Variants in WDFY1 observed in about 807,000 individuals in gnomAD.
The protein encoded by WDFY1 is WD repeat and FYVE domain-containing protein 1.
In WDFY1, 32 loss-of-function variants were observed where a neutral mutation model predicts 56.4. The ratio of observed to expected loss-of-function variants is 0.57; its 90% confidence interval spans 0.43 to 0.76. The LOEUF is 0.76. Among genes scored for constraint, WDFY1 ranks in the 30% least tolerant of loss-of-function variants. WDFY1 has a pLI of 0.00. For synonymous variants in WDFY1, 192 were observed against 197.3 expected (o/e 0.97, Z 0.23); for missense variants, 480 against 545.7 (o/e 0.88, Z 1.20).
chr2:223,907,114 A>G (rs1481632426), intron 3 of WDFY1, among the ~76,000 whole-genome samples: 2 of 151,952 alleles, frequency 1.3e-5, no homozygotes, highest in African/African-American at 4.8e-5. Flanking sequence ...AACTGGGACT[A>G]AAGGTGCATG....
rs115559890 is a variant in WDFY1 at position 223,937,066 on chromosome 2, C to T, written c.137+8082G>A. Among the ~76,000 whole-genome samples the T allele has an allele frequency of 1.4e-3, 215 of 152,240 alleles. 2 individuals carry two copies. The highest frequency in any genetic ancestry group is 6.8e-3 in the Middle Eastern group (2 of 294). The stretch of plus-strand genomic sequence containing the variant: ...AATCTTTCTAGTGAATCAATGAACC[C>T]GATCTTGAGGATCTCAAATATAGCA... On this transcript the variant is annotated intron_variant, in intron 1 of 11. Coordinates refer to ENST00000233055, the MANE Select transcript of WDFY1 (RefSeq NM_020830.5).
At chr2:223,896,343 T>A (rs977227986) in intron 6 of WDFY1, among the ~76,000 whole-genome samples, 14 of 151,822 alleles carry the variant, frequency 9.2e-5, no homozygotes, top group Middle Eastern at 3.4e-3. Context: ...CTACACAAGA[T>A]AAAAAATCTA....
chr2:223,929,834 G>T (rs1297883247), intron 1 of WDFY1, among the ~76,000 whole-genome samples: 1 of 119,298 alleles, frequency 8.4e-6, no homozygotes, highest in Non-Finnish European at 1.8e-5. Flanking sequence ...ACTTCATTTA[G>T]TTGTTTGACC....
intron 1 of WDFY1, among the ~76,000 whole-genome samples, chr2:223,934,081 C>CTTTTT (rs201021204): frequency 4.7e-4 from 64 of 136,156 alleles, no homozygotes; most frequent in East Asian, 3.0e-3. Flanking sequence ...TTTTTCTTTT[C>CTTTTT]TTTTTTTTTT....
chr2:223,908,868 TC>T (rs1693644373), intron 3 of WDFY1, among the ~76,000 whole-genome samples: 1 of 152,122 alleles, frequency 6.6e-6, no homozygotes, highest in African/African-American at 2.4e-5. Flanking sequence ...TTAAAGCTGC[TC>T]CCTATTTCAA....
chr2:223,883,778 T>C (rs931482001), intron 9 of WDFY1, among the ~76,000 whole-genome samples: 7 of 152,182 alleles, frequency 4.6e-5, no homozygotes, highest in African/African-American at 1.7e-4. Flanking sequence ...CCCGAGTAGC[T>C]GGGATTACAG....
rs572616459 is a variant in WDFY1, at chr2:223,917,057, G to A, written c.205+886C>T. Among the ~76,000 whole-genome samples the A allele has an allele frequency of 2.6e-5, 4 of 151,972 alleles. No homozygotes were observed. The South Asian group carries it at 6.2e-4, about 24-fold the overall frequency. ...TCGAACTCCCAACCTCAGGTGATCC[G>A]CCCGCCTTGGCCTCCCAAAGTGCTG... On this transcript the variant is annotated intron_variant, in intron 2 of 11. Transcript: ENST00000233055.
intron 1 of WDFY1, among the ~76,000 whole-genome samples, chr2:223,936,255 T>C (rs938964021): frequency 6.6e-6 from 1 of 151,942 alleles, no homozygotes; most frequent in Non-Finnish European, 1.5e-5. Flanking sequence ...AGAGACAGAG[T>C]TTGACTATGT....
intron 1 of WDFY1, among the ~76,000 whole-genome samples, chr2:223,937,950 T>C (rs1304633186): frequency 2.0e-5 from 3 of 152,228 alleles, no homozygotes; most frequent in Non-Finnish European, 2.9e-5. Flanking sequence ...ATGTGAACAA[T>C]TGGTAAATAC....
At chr2:223,907,287 T>G (rs1001730165) in intron 3 of WDFY1, among the ~76,000 whole-genome samples, 3 of 152,142 alleles carry the variant, frequency 2.0e-5, no homozygotes, top group Admixed American at 6.5e-5. Context: ...AAGAATACTA[T>G]TATTGATCAA....
intron 10 of WDFY1, among the ~76,000 whole-genome samples, chr2:223,881,013 A>G (rs1693061168): frequency 6.6e-6 from 1 of 152,176 alleles, no homozygotes; most frequent in Non-Finnish European, 1.5e-5. Flanking sequence ...TAGCTTTCCA[A>G]TGTGGACCTC....
chr2:223,901,943 TTCTG>T (rs1379423582), intron 4 of WDFY1, among the ~76,000 whole-genome samples: 2 of 152,252 alleles, frequency 1.3e-5, no homozygotes, highest in Admixed American at 6.5e-5. Flanking sequence ...GAGGAAGGTA[TTCTG>T]TCTGTTACCT....
At position 223,918,837 on chromosome 2, in the gene WDFY1, C is replaced by T. The variant is rs568770529; in HGVS notation, c.138-827G>A. On this transcript the variant is annotated intron_variant, in intron 1 of 11. Transcript: ENST00000233055. The stretch of plus-strand genomic sequence containing the variant: ...CGCCACGCACACCAGGAGCACACAG[C>T]AGGCTCGGGCTTGGGCATGGCAATT... Among the ~76,000 whole-genome samples, 10 of 152,284 alleles carry T rather than the reference C, an allele frequency of 6.6e-5. No individual in the cohort carries two copies. In the East Asian group the frequency reaches 1.9e-3, roughly 29 times the overall value.
chr2:223,884,045 CT>C (rs1194002648), intron 9 of WDFY1, among the ~76,000 whole-genome samples: 6,095 of 140,916 alleles, frequency 0.043, 306 homozygotes, highest in African/African-American at 0.14. Context: ...TACTTACCTG[CT>C]TTTTTTTTTT....
intron 1 of WDFY1, among the ~76,000 whole-genome samples, chr2:223,943,176 C>T (rs1370753130): frequency 1.1e-4 from 11 of 98,962 alleles, no homozygotes; most frequent in Non-Finnish European, 2.1e-4. Context: ...CAGAGCAAGC[C>T]TCCATCTTAA....
chr2:223,918,549 T>C (rs1693833002), intron 1 of WDFY1, among the ~76,000 whole-genome samples: 1 of 151,154 alleles, frequency 6.6e-6, no homozygotes, highest in Admixed American at 6.6e-5. Flanking sequence ...AAGAATGGCA[T>C]GAACCCGGGA....
At chr2:223,893,057 A>C (rs1035292230) in intron 8 of WDFY1, among the ~76,000 whole-genome samples, 3 of 152,248 alleles carry the variant, frequency 2.0e-5, no homozygotes, top group African/African-American at 7.2e-5. Context: ...AGAGATGAGA[A>C]TGGAAACCTT....
At chr2:223,896,246 T>C (rs1693374657) in intron 6 of WDFY1, among the ~76,000 whole-genome samples, 1 of 143,468 alleles carries the variant, frequency 7.0e-6, no homozygotes, top group Non-Finnish European at 1.5e-5. Flanking sequence ...AATTACAAAG[T>C]AGCTTACATA....
chr2:223,885,003 G>C (rs543998478), intron 8 of WDFY1, among the ~76,000 whole-genome samples: 2 of 151,350 alleles, frequency 1.3e-5, no homozygotes, highest in Admixed American at 1.3e-4. Flanking sequence ...TACCACTCCA[G>C]GCTAATTTCT....
Sources: allele counts gnomAD v4.1 joint callset (sites outside exome capture counted in the v4.1 genomes callset), GRCh38; gene constraint gnomAD v4.1.1; transcripts MANE v1.5; gene names NCBI Gene and HGNC (gene_info 2026-07-23, HGNC 2026-07-21).